SYT9: variants seen among roughly 807,000 people sequenced by gnomAD.
The protein encoded by SYT9 is synaptotagmin-9.
SYT9 carries 22 observed loss-of-function variants against 48.4 expected under a neutral mutation model. The observed-to-expected ratio is 0.45, with a 90% CI of 0.32 to 0.65. SYT9 has a LOEUF of 0.65. Among genes scored for constraint, SYT9 ranks in the 30% least tolerant of loss-of-function variants. SYT9 has a pLI of 0.03. For synonymous variants in SYT9, 265 were observed against 245.0 expected, an observed-to-expected ratio of 1.08 and a Z score of -0.76; for missense variants, 577 against 622.0, an observed-to-expected ratio of 0.93 and a Z score of 0.77.
Position 7,335,428 on chromosome 11 carries a change from G to A in SYT9, c.1044+21487G>A, listed in dbSNP as rs539367114. 2.0e-5 allele frequency among the ~76,000 whole-genome samples: 3 copies of A among 152,144 alleles called. No individual in the cohort carries two copies. The East Asian group carries it at 5.8e-4, about 29-fold the overall frequency. On this transcript the variant is annotated intron_variant, in intron 3 of 6. Coordinates refer to ENST00000318881, the MANE Select transcript of SYT9 (RefSeq NM_175733.4). ...TTTCTTCACCTGGGTACTAGGCCTA[G>A]TACCCAATAATTATTTTTTCTGATC...
intron 3 of SYT9, among the ~76,000 whole-genome samples, chr11:7,398,571 A>G (rs1026661612): frequency 7.9e-5 from 12 of 151,894 alleles, no homozygotes; most frequent in Non-Finnish European, 1.2e-4. Flanking sequence ...CACCACGCCC[A>G]GCTAATTTTT....
chr11:7,418,200 C>A, intron 5 of SYT9, 72 bp downstream of exon 5: 1 of 1,524,902 alleles, frequency 6.6e-7, no homozygotes, highest in Non-Finnish European at 8.9e-7. Context: ...GGGGGAGCAG[C>A]AGCCACAGAT....
intron 3 of SYT9, among the ~76,000 whole-genome samples, chr11:7,339,248 G>A: frequency 6.6e-6 from 1 of 152,040 alleles, no homozygotes; most frequent in East Asian, 1.9e-4. Context: ...AGGTCTCATT[G>A]CATGTGGAAT....
chr11:7,456,626 A>G (rs1236544474), intron 6 of SYT9, among the ~76,000 whole-genome samples: 1 of 152,226 alleles, frequency 6.6e-6, no homozygotes, highest in African/African-American at 2.4e-5. Context: ...GGGTCAGTTG[A>G]GAGTGGGTGA....
At position 7,313,518 on chromosome 11, in the gene SYT9, A is replaced by G. The variant is rs1014385870; in HGVS notation, c.621A>G (p.Ser207=). ...AACCAGAGTTATATAAGCAGAGGTCATTGGATAATGATGACGGGAGACGGA... is the reference window on the plus strand; with the variant it reads ...AACCAGAGTTATATAAGCAGAGGTCGTTGGATAATGATGACGGGAGACGGA... ...RIKPELYKQR[S]LDNDDGRRSN... Residue 207 remains serine (S), a synonymous_variant, in exon 3 of 7, where the codon TCA becomes TCG. Transcript: ENST00000318881. 5 of 1,614,088 alleles carry G rather than the reference A, an allele frequency of 3.1e-6. No individual in the cohort carries two copies. The highest frequency in any genetic ancestry group is 1.3e-5 in the African/African-American group (1 of 74,948).
chr11:7,327,926 GA>G (rs1849459330), intron 3 of SYT9, among the ~76,000 whole-genome samples: 1 of 96,626 alleles, frequency 1.0e-5, no homozygotes, highest in Non-Finnish European at 2.1e-5. Flanking sequence ...CTGTGGTGGG[GA>G]GGGGGGAGGG....
intron 3 of SYT9, among the ~76,000 whole-genome samples, chr11:7,389,175 A>G (rs1248391384): frequency 2.6e-5 from 4 of 152,138 alleles, no homozygotes; most frequent in African/African-American, 9.7e-5. Flanking sequence ...GGGCCAATAC[A>G]GAAAACTGTA....
intron 3 of SYT9, among the ~76,000 whole-genome samples, chr11:7,324,423 C>CT (rs1849390700): frequency 6.6e-6 from 1 of 150,886 alleles, no homozygotes; most frequent in Non-Finnish European, 1.5e-5. Context: ...GTATGATTTT[C>CT]TTTCTTTTTT....
At chr11:7,304,371 A>C (rs1446810243) in intron 2 of SYT9, among the ~76,000 whole-genome samples, 1 of 152,264 alleles carries the variant, frequency 6.6e-6, no homozygotes, top group Non-Finnish European at 1.5e-5. Context: ...TATTTCAGGA[A>C]AAGAGACTCA....
chr11:7,375,848 C>G (rs1476518732), intron 3 of SYT9, among the ~76,000 whole-genome samples: 2 of 151,918 alleles, frequency 1.3e-5, no homozygotes, highest in Non-Finnish European at 2.9e-5. Context: ...TCTAGCCACA[C>G]TAGCCTCCAT....
intron 3 of SYT9, among the ~76,000 whole-genome samples, chr11:7,317,335 A>G (rs1849260937): frequency 6.6e-6 from 1 of 152,224 alleles, no homozygotes; most frequent in African/African-American, 2.4e-5. Flanking sequence ...ACAAAATACC[A>G]TAAACTGGGC....
chr11:7,251,788 G>A (rs1847871246), upstream of SYT9, among the ~76,000 whole-genome samples: 1 of 152,130 alleles, frequency 6.6e-6, no homozygotes, highest in Admixed American at 6.5e-5. Flanking sequence ...AGGAGCCGGG[G>A]AGTACCCCAG....
chr11:7,279,349 G>A (rs1848452065), intron 1 of SYT9, among the ~76,000 whole-genome samples: 1 of 152,152 alleles, frequency 6.6e-6, no homozygotes. Flanking sequence ...TAACCAATAT[G>A]TCTTTTTTTC....
At chr11:7,443,208 G>A (rs949012841) in intron 6 of SYT9, among the ~76,000 whole-genome samples, 9 of 152,172 alleles carry the variant, frequency 5.9e-5, no homozygotes, top group African/African-American at 2.2e-4. Flanking sequence ...ATTTTAAACC[G>A]AATATTTCTG....
intron 1 of SYT9, among the ~76,000 whole-genome samples, chr11:7,242,048 T>C (rs1847746047): frequency 2.6e-5 from 4 of 152,200 alleles, no homozygotes; most frequent in Admixed American, 2.6e-4. Flanking sequence ...CTTATGGAAA[T>C]GATTAAATTA....
chr11:7,243,336 G>A (rs1322853269), intron 1 of SYT9, among the ~76,000 whole-genome samples: 10 of 152,164 alleles, frequency 6.6e-5, no homozygotes, highest in Admixed American at 6.5e-4. Context: ...TGATTAATGT[G>A]ATTAAGCACT....
intron 3 of SYT9, among the ~76,000 whole-genome samples, chr11:7,385,063 C>G (rs1850631785): frequency 6.6e-6 from 1 of 152,060 alleles, no homozygotes; most frequent in South Asian, 2.1e-4. Context: ...ACTCCCTTTC[C>G]TGCTTATTTC....
chr11:7,280,445 G>T (rs1848472902), intron 1 of SYT9, among the ~76,000 whole-genome samples: 1 of 152,214 alleles, frequency 6.6e-6, no homozygotes, highest in Admixed American at 6.5e-5. Context: ...AATATTGGAA[G>T]AATATGTCCT....
intron 3 of SYT9, among the ~76,000 whole-genome samples, chr11:7,320,528 T>C (rs1290471856): frequency 1.3e-5 from 2 of 152,226 alleles, no homozygotes; most frequent in Non-Finnish European, 2.9e-5. Context: ...ACCTCTAGAA[T>C]GGTGTCTGAA....
Sources: gnomAD v4.1 joint callset for allele counts (sites outside exome capture counted in the v4.1 genomes callset) on GRCh38, gnomAD v4.1.1 for gene constraint, MANE v1.5 for transcripts, NCBI Gene and HGNC (gene_info 2026-07-23, HGNC 2026-07-21) for gene names.